CPAMD8: variants seen among roughly 807,000 people sequenced by gnomAD.
CPAMD8 encodes C3 and PZP-like alpha-2-macroglobulin domain-containing protein 8.
Under a neutral mutation model 224.7 loss-of-function variants are expected in CPAMD8, and 146 were observed. That is an observed-to-expected ratio of 0.65 (90% confidence interval 0.57 to 0.75). The LOEUF is 0.75. Ranked by LOEUF, CPAMD8 falls within the 30% of genes least tolerant of loss-of-function variation. The pLI is 0.00. For missense variants in CPAMD8, 2,301 were observed against 2,537.5 expected (o/e 0.91, Z 2.00); for synonymous variants, 966 against 1,044.6 (o/e 0.92, Z 1.45).
chr19:16,933,333 C>T (rs1225957853), intron 23 of CPAMD8, among the ~76,000 whole-genome samples: 1 of 151,638 alleles, frequency 6.6e-6, no homozygotes, highest in Non-Finnish European at 1.5e-5. Flanking sequence ...ATAAATTGCA[C>T]TTAATTAATA....
At chr19:16,997,874 T>G (rs1400177551) in intron 10 of CPAMD8, among the ~76,000 whole-genome samples, 1 of 151,100 alleles carries the variant, frequency 6.6e-6, no homozygotes, top group Non-Finnish European at 1.5e-5. Flanking sequence ...GCTGACACAA[T>G]CTCCCACAGC....
chr19:16,895,982 G>A, intron 41 of CPAMD8, 194 bp downstream of exon 41: 4 of 718,088 alleles, frequency 5.6e-6, no homozygotes, highest in Non-Finnish European at 1.0e-5. Flanking sequence ...GTGGGCCAGG[G>A]TGGAGGGAGG....
Position 16,997,096 on chromosome 19 carries a change from TCA to T in CPAMD8, c.1095+13_1095+14del. On this transcript the variant is annotated intron_variant, in intron 11 of 41. Transcript: ENST00000443236. ...GGTCCTTGGGCGGGAGGCAGCACAG[TCA>T]CCCCCAAGTTACCTTCCCCACGTAG... The T allele has an allele frequency of 6.4e-7, 1 of 1,566,354 alleles. No homozygotes were observed. The highest frequency in any genetic ancestry group is 8.8e-7 in the Non-Finnish European group (1 of 1,136,736).
chr19:16,921,366 A>C (rs2053166648), intron 27 of CPAMD8, among the ~76,000 whole-genome samples: 1 of 152,074 alleles, frequency 6.6e-6, no homozygotes, highest in South Asian at 2.1e-4. Flanking sequence ...GGTGAACCCC[A>C]TGATGATGCC....
intron 17 of CPAMD8, among the ~76,000 whole-genome samples, chr19:16,974,056 T>C (rs2055164125): frequency 6.6e-6 from 1 of 151,298 alleles, no homozygotes; most frequent in Non-Finnish European, 1.5e-5. Context: ...TCTCGATCTC[T>C]TGACCTTGTG....
At chr19:17,001,996 G>A (rs1430354645) in intron 9 of CPAMD8, among the ~76,000 whole-genome samples, 3 of 150,908 alleles carry the variant, frequency 2.0e-5, no homozygotes, top group Non-Finnish European at 4.4e-5. Context: ...GGGAGGAGGC[G>A]CCCACAGGGG....
Position 17,000,492 on chromosome 19 carries a change from G to A in CPAMD8, c.789C>T (p.Ala263=), listed in dbSNP as rs185567261. The A allele has an allele frequency of 8.3e-5, 120 of 1,439,928 alleles. 2 individuals are homozygous for A. The African/African-American group carries it at 1.5e-3, about 17-fold the overall frequency. 89.2% of individuals were successfully genotyped at this position (1,439,928 alleles called of 1,614,324 possible). The change falls in exon 10 of 42, where the codon GCC becomes GCT. Residue 263 remains alanine, a synonymous_variant. Transcript: ENST00000443236. The part of the protein sequence containing the change: ...RYTFGKPVAG[A]LMINMTVNGV... ...CATTAACAGTCATGTTGATCATTAA[G>A]GCACCAGCCACAGGTTTCCCAAAGG...
At chr19:16,908,930 G>A (rs1050035859) in intron 29 of CPAMD8, among the ~76,000 whole-genome samples, 11 of 152,118 alleles carry the variant, frequency 7.2e-5, no homozygotes, top group Non-Finnish European at 1.3e-4. Flanking sequence ...GGGCCAGGAC[G>A]GGTCTCAAGG....
intron 3 of CPAMD8, among the ~76,000 whole-genome samples, chr19:17,013,698 G>A (rs1220011547): frequency 6.6e-6 from 1 of 151,424 alleles, no homozygotes; most frequent in Non-Finnish European, 1.5e-5. Flanking sequence ...CTTTTGCGGG[G>A]ATAAAAATGT....
intron 11 of CPAMD8, 145 bp from the exon 12 acceptor site, chr19:16,993,731 G>T: frequency 1.3e-6 from 1 of 751,124 alleles, no homozygotes; most frequent in Non-Finnish European, 2.1e-6. Context: ...ACAGGGCATC[G>T]CAACGAGTTC....
intron 5 of CPAMD8, among the ~76,000 whole-genome samples, chr19:17,009,773 CAA>C (rs561836442): frequency 1.3e-4 from 16 of 126,606 alleles, no homozygotes; most frequent in African/African-American, 1.7e-4. Flanking sequence ...GACTCCGTCT[CAA>C]AAAAAAAAAA....
At chr19:16,971,537 G>A (rs1041575171) in intron 17 of CPAMD8, among the ~76,000 whole-genome samples, 1 of 152,096 alleles carries the variant, frequency 6.6e-6, no homozygotes, top group Admixed American at 6.6e-5. Flanking sequence ...CCCAGAACAG[G>A]CAAATCCATA....
chr19:16,968,565 G>C (rs548398032), intron 18 of CPAMD8, among the ~76,000 whole-genome samples: 4 of 152,198 alleles, frequency 2.6e-5, no homozygotes, highest in Non-Finnish European at 5.9e-5. Context: ...ATAGCACAAT[G>C]TGACTGCAGC....
chr19:16,915,151 G>A (rs573504635), intron 27 of CPAMD8, among the ~76,000 whole-genome samples: 29 of 151,960 alleles, frequency 1.9e-4, no homozygotes, highest in Non-Finnish European at 2.2e-4. Flanking sequence ...TCTGGTTGCC[G>A]ACCTCACAGC....
intron 27 of CPAMD8, among the ~76,000 whole-genome samples, chr19:16,918,192 G>A (rs747038927): frequency 3.9e-5 from 6 of 151,976 alleles, no homozygotes; most frequent in African/African-American, 9.7e-5. Flanking sequence ...ACGGGGTTTC[G>A]CCATGTTGGC....
At chr19:16,944,962 T>A (rs2054021715) in intron 22 of CPAMD8, among the ~76,000 whole-genome samples, 1 of 152,144 alleles carries the variant, frequency 6.6e-6, no homozygotes, top group Admixed American at 6.5e-5. Flanking sequence ...AGATGAGGCA[T>A]GGTGGCTGCT....
intron 5 of CPAMD8, 71 bp from the exon 6 acceptor site, chr19:17,009,391 A>G: frequency 6.2e-7 from 1 of 1,612,052 alleles, no homozygotes; most frequent in Non-Finnish European, 8.5e-7. Context: ...ATGCTCATGC[A>G]TGGCCTCGGT....
At chr19:17,010,217 C>T (rs1203469516) in intron 5 of CPAMD8, among the ~76,000 whole-genome samples, 1 of 151,496 alleles carries the variant, frequency 6.6e-6, no homozygotes, top group Non-Finnish European at 1.5e-5. Context: ...AAATTATTTT[C>T]CTCCTCTTTT....
Position 16,928,922 on chromosome 19 carries a change from C to T in CPAMD8, c.3144+20G>A. 1 of 1,569,302 alleles carries T rather than the reference C, an allele frequency of 6.4e-7. No individual in the cohort carries two copies. Among genetic ancestry groups the T allele is most frequent in the South Asian group, 1.2e-5 (1 of 83,514 alleles). ...GAACATGAGGCTTCTGCACAAGCCCCAGGCAGTTCTGCTGTATACCTGGAT... is the reference window on the plus strand; with the variant it reads ...GAACATGAGGCTTCTGCACAAGCCCTAGGCAGTTCTGCTGTATACCTGGAT... On this transcript the variant is annotated intron_variant, in intron 24 of 41. Coordinates refer to ENST00000443236, the MANE Select transcript of CPAMD8 (RefSeq NM_015692.5).
Sources: allele counts gnomAD v4.1 joint callset (sites outside exome capture counted in the v4.1 genomes callset), GRCh38; gene constraint gnomAD v4.1.1; transcripts MANE v1.5; gene names NCBI Gene and HGNC (gene_info 2026-07-23, HGNC 2026-07-21).